The following TNFRSF10D variants were observed in gnomAD, a reference collection of about 807,000 sequenced individuals.
The protein encoded by TNFRSF10D is TNF receptor superfamily member 10d.
Under a neutral mutation model 42.1 loss-of-function variants are expected in TNFRSF10D, and 28 were observed. The observed-to-expected ratio is 0.66, with a 90% CI of 0.49 to 0.91. The LOEUF is 0.91. Ranked by LOEUF, TNFRSF10D falls within the 40% of genes least tolerant of loss-of-function variation. The probability of loss-of-function intolerance (pLI) is 0.00; values close to 1 mark genes in which losing one functional copy is unlikely to be tolerated. For synonymous variants in TNFRSF10D, 186 were observed against 189.4 expected, an observed-to-expected ratio of 0.98 and a Z score of 0.15; for missense variants, 503 against 486.1, an observed-to-expected ratio of 1.03 and a Z score of -0.33.
intron 7 of TNFRSF10D, among the ~76,000 whole-genome samples, chr8:23,142,948 A>G (rs1342463165): frequency 6.6e-6 from 1 of 151,938 alleles, no homozygotes; most frequent in East Asian, 1.9e-4. Flanking sequence ...GGGGACTACC[A>G]CTATGACTCA....
At chr8:23,140,909 A>C (rs1814455259) in intron 7 of TNFRSF10D, among the ~76,000 whole-genome samples, 2 of 152,186 alleles carry the variant, frequency 1.3e-5, no homozygotes, top group South Asian at 4.1e-4. Flanking sequence ...TAGCAGTATG[A>C]AAATGGAATA....
chr8:23,156,435 G>A (rs1800281133), intron 1 of TNFRSF10D, among the ~76,000 whole-genome samples: 1 of 152,126 alleles, frequency 6.6e-6, no homozygotes. Context: ...TGAAGCTAAT[G>A]CACATTTCCC....
intron 8 of TNFRSF10D, 78 bp from the exon 9 acceptor site, chr8:23,138,081 C>T (rs548405872): frequency 1.2e-6 from 2 of 1,608,132 alleles, no homozygotes; most frequent in East Asian, 4.5e-5. Flanking sequence ...CCCCCTGCTT[C>T]CAGCAGTGAA....
In TNFRSF10D at chr8:23,136,334, T is replaced by TGGCCCC. The variant is rs1814327190; in HGVS notation, c.*1535_*1536insGGGGCC. ...ATATCTCTGAGATGAGTCAGATGCT[T>TGGCCCC]ACAGAGGGGCCAAGCTCCTCAAACA... is the stretch of plus-strand genomic sequence containing the variant. On this transcript the variant is annotated 3_prime_UTR_variant, in exon 9 of 9. Coordinates refer to ENST00000312584, the MANE Select transcript of TNFRSF10D (RefSeq NM_003840.5). 4.9e-6 allele frequency: 1 copy of TGGCCCC among 203,782 alleles called. No homozygotes were observed. Among genetic ancestry groups the TGGCCCC allele is most frequent in the Non-Finnish European group, 1.0e-5 (1 of 100,166 alleles). The allele number at this position is 203,782 out of a possible 1,614,324, so 12.6% of individuals were successfully genotyped here. A position where few individuals can be genotyped will look rare whatever the true frequency, so the allele number is the denominator to read the frequency against.
intron 1 of TNFRSF10D, among the ~76,000 whole-genome samples, chr8:23,156,575 C>CT (rs1018533694): frequency 1.9e-5 from 2 of 106,492 alleles, no homozygotes; most frequent in Non-Finnish European, 4.1e-5. Flanking sequence ...TTTTTTTTTT[C>CT]TTTTTTGGAG....
At chr8:23,144,313 G>A (rs1046536944) in intron 7 of TNFRSF10D, 137 bp downstream of exon 7, 40 of 963,958 alleles carry the variant, frequency 4.1e-5, no homozygotes, top group African/African-American at 2.0e-4. Context: ...CAGCTGCTCC[G>A]TCCCCTGCAG....
At chr8:23,148,388 C>A (rs1380820973) in intron 3 of TNFRSF10D, 50 bp downstream of exon 3, 3 of 1,472,412 alleles carry the variant, frequency 2.0e-6, no homozygotes, top group Admixed American at 3.4e-5. Context: ...CAGCTCCCAC[C>A]TCATCACTAT....
chr8:23,148,238 C>CA (rs1419082649), intron 3 of TNFRSF10D, among the ~76,000 whole-genome samples, 200 bp downstream of exon 3: 1 of 148,564 alleles, frequency 6.7e-6, no homozygotes, highest in South Asian at 2.1e-4. Flanking sequence ...AAACTGTCTT[C>CA]AAAAAAATAA....
intron 2 of TNFRSF10D, among the ~76,000 whole-genome samples, chr8:23,154,345 C>T (rs1800246480): frequency 6.6e-6 from 1 of 152,160 alleles, no homozygotes; most frequent in African/African-American, 2.4e-5. Flanking sequence ...ACAGTCCTGC[C>T]TTCTATTCAC....
chr8:23,144,516 T>C lies in TNFRSF10D; in HGVS notation c.888A>G (p.Gln296=), dbSNP rs1800082208. ...QPTQVSEQEI[Q]GQELAELTGV... is the part of the protein sequence containing the mutation. ...CTGTTAGCTCTGCCAGCTCCTGACC[T>C]TGGATTTCCTGCTCAGAGACCTGGG... Residue 296 remains glutamine (Q), a synonymous_variant, in exon 7 of 9, where the codon CAA becomes CAG. Coordinates refer to ENST00000312584, the MANE Select transcript of TNFRSF10D (RefSeq NM_003840.5). 3.1e-6 allele frequency: 5 copies of C among 1,614,086 alleles called. No homozygotes were observed. Among genetic ancestry groups the C allele is most frequent in the Non-Finnish European group, 4.2e-6 (5 of 1,180,044 alleles).
Position 23,136,220 on chromosome 8 carries a change from C to A in TNFRSF10D, c.*1650G>T, listed in dbSNP as rs1585255449. 4.2e-6 allele frequency: 1 copy of A among 239,140 alleles called. No individual in the cohort carries two copies. The allele number at this position is 239,140 out of a possible 1,614,324, so 14.8% of individuals were successfully genotyped here. A position where few individuals can be genotyped will look rare whatever the true frequency, so the allele number is the denominator to read the frequency against. On this transcript the variant is annotated 3_prime_UTR_variant, in exon 9 of 9. Coordinates refer to ENST00000312584, the MANE Select transcript of TNFRSF10D (RefSeq NM_003840.5). Reference sequence around the variant, plus strand: ...TGCTGGAAAGAAGCTAAAACGATTACTGAGGTTTTTAAATAAAATAATGGA... The same window carrying A: ...TGCTGGAAAGAAGCTAAAACGATTAATGAGGTTTTTAAATAAAATAATGGA...
chr8:23,141,909 G>C (rs1371375102), intron 7 of TNFRSF10D, among the ~76,000 whole-genome samples: 1 of 152,220 alleles, frequency 6.6e-6, no homozygotes, highest in Non-Finnish European at 1.5e-5. Flanking sequence ...GGAGTTTGGA[G>C]ATTTCTCAAA....
chr8:23,149,215 AAAG>A (rs1800177501), intron 2 of TNFRSF10D, among the ~76,000 whole-genome samples: 1 of 151,434 alleles, frequency 6.6e-6, no homozygotes, highest in Non-Finnish European at 1.5e-5. Flanking sequence ...AAAGAAAAGA[AAAG>A]AAAAGAAATA....
In TNFRSF10D at chr8:23,145,926, G is replaced by A. The variant is rs368606297; in HGVS notation, c.483-5C>T. ...TTGACCATCCCTCTGGGACACCTGG[G>A]TACACACAGAGAGGGAGACAGGGAC... On this transcript the variant is annotated splice_polypyrimidine_tract_variant and splice_region_variant and intron_variant, in intron 4 of 8. Transcript: ENST00000312584. 4.3e-6 allele frequency: 7 copies of A among 1,613,948 alleles called. No individual in the cohort carries two copies. The highest frequency in any genetic ancestry group is 5.9e-6 in the Non-Finnish European group (7 of 1,180,024).
Position 23,145,975 on chromosome 8 carries a change from G to A in TNFRSF10D, c.483-54C>T, listed in dbSNP as rs1303079963. 3.1e-6 allele frequency: 5 copies of A among 1,612,034 alleles called. No individual in the cohort carries two copies. In the East Asian group the frequency reaches 6.7e-5, roughly 22 times the overall value. On this transcript the variant is annotated intron_variant, in intron 4 of 8. Coordinates refer to ENST00000312584, the MANE Select transcript of TNFRSF10D (RefSeq NM_003840.5). ...ACTCTTGATGGAAAGCTGGCCAGGTGGGATGAAAGAGGAGCCACCCTCCCT... is the reference window on the plus strand; with the variant it reads ...ACTCTTGATGGAAAGCTGGCCAGGTAGGATGAAAGAGGAGCCACCCTCCCT...
intron 1 of TNFRSF10D, 48 bp downstream of exon 1, chr8:23,163,738 G>C (rs760018218): frequency 6.9e-6 from 11 of 1,588,832 alleles, no homozygotes; most frequent in Non-Finnish European, 9.4e-6. Context: ...GCCCACTCCC[G>C]GCGCCAGGTG....
chr8:23,150,066 G>T (rs762205063), intron 2 of TNFRSF10D, among the ~76,000 whole-genome samples: 1 of 152,182 alleles, frequency 6.6e-6, no homozygotes, highest in Non-Finnish European at 1.5e-5. Context: ...CATGATAAAG[G>T]CATGATAAGC....
In TNFRSF10D at chr8:23,154,934, G is replaced by T. The variant is rs1800255610; in HGVS notation, c.196C>A (p.Gln66Lys). ...ATIPRQDEVP[Q>K]QTVAPQQQRR... ...TGTTGCTGTGGGGCCACTGTCTGCT[G>T]GGGAACTTCGTCCTGCCGGGGGATG... The change falls in exon 2 of 9, where the codon CAG (glutamine) becomes AAG (lysine). Residue 66 changes from glutamine to lysine, a missense_variant. Coordinates refer to ENST00000312584, the MANE Select transcript of TNFRSF10D (RefSeq NM_003840.5). 3.1e-6 allele frequency: 5 copies of T among 1,613,772 alleles called. No homozygotes were observed. Among genetic ancestry groups the T allele is most frequent in the Admixed American group, 1.7e-5 (1 of 59,996 alleles).
chr8:23,152,722 C>G (rs1338394032), intron 2 of TNFRSF10D, among the ~76,000 whole-genome samples: 3 of 152,042 alleles, frequency 2.0e-5, no homozygotes, highest in Non-Finnish European at 4.4e-5. Flanking sequence ...CGGAAAGTAA[C>G]AAAAATAAAT....
Sources: gnomAD v4.1 joint callset for allele counts (sites outside exome capture counted in the v4.1 genomes callset) on GRCh38, gnomAD v4.1.1 for gene constraint, MANE v1.5 for transcripts, NCBI Gene and HGNC (gene_info 2026-07-23, HGNC 2026-07-21) for gene names.